The following ANXA8 variants were observed in gnomAD, a reference collection of about 807,000 sequenced individuals.
ANXA8 encodes VAC-beta.
A neutral mutation model predicts 26.8 loss-of-function variants in ANXA8; 9 were observed. The observed-to-expected ratio is 0.34, with a 90% CI of 0.20 to 0.59. The LOEUF (loss-of-function observed/expected upper bound fraction) is 0.59, where lower values mean the gene tolerates loss of function less well. Ranked by LOEUF, ANXA8 falls within the 20% of genes least tolerant of loss-of-function variation. ANXA8 has a pLI of 0.84. For synonymous variants in ANXA8, 39 were observed against 94.8 expected (o/e 0.41, Z 3.42); for missense variants, 83 against 238.5 (o/e 0.35, Z 4.29).
At chr10:47,595,217 T>A in the ANXA8 span, among the ~76,000 whole-genome samples, 5 of 148,440 alleles carry the variant, frequency 3.4e-5, no homozygotes, top group Non-Finnish European at 7.4e-5. Context: ...AAGCAATCGG[T>A]AAGGGAATTT....
chr10:47,554,110 AAAATAAATAAATAAAT>A, the ANXA8 span, among the ~76,000 whole-genome samples: 1 of 129,864 alleles, frequency 7.7e-6, no homozygotes, highest in African/African-American at 3.0e-5. Flanking sequence ...CATCTCTCAA[AAAATAAATAAATAAAT>A]AAATAAATAA....
the ANXA8 span, among the ~76,000 whole-genome samples, chr10:47,516,538 C>A: frequency 7.3e-6 from 1 of 136,282 alleles, no homozygotes; most frequent in Non-Finnish European, 1.5e-5. Context: ...GATAACAGGA[C>A]AGAAGGAAAC....
chr10:47,564,327 T>TC, the ANXA8 span: 1 of 614,160 alleles, frequency 1.6e-6, no homozygotes, highest in African/African-American at 3.4e-5. Flanking sequence ...GGGGCGGGCC[T>TC]GGGGGGGCCT....
At chr10:47,491,718 C>A in the ANXA8 span, 2 of 1,544,308 alleles carry the variant, frequency 1.3e-6, no homozygotes, top group Non-Finnish European at 1.7e-6. Context: ...TGAGGACTGG[C>A]CCAACATGCT....
the ANXA8 span, among the ~76,000 whole-genome samples, chr10:47,958,780 G>C: frequency 6.7e-6 from 1 of 148,788 alleles, no homozygotes; most frequent in African/African-American, 2.6e-5. Flanking sequence ...CAGCAGGAGA[G>C]AGAATGAGTG....
the ANXA8 span, among the ~76,000 whole-genome samples, chr10:47,655,462 T>C: frequency 6.6e-6 from 1 of 151,508 alleles, no homozygotes; most frequent in South Asian, 2.1e-4. Flanking sequence ...ACAGAGAGGG[T>C]AAGGAGGCAA....
chr10:47,658,385 CAA>C, the ANXA8 span, among the ~76,000 whole-genome samples: 5 of 135,810 alleles, frequency 3.7e-5, no homozygotes, highest in Admixed American at 1.5e-4. Flanking sequence ...GACTCTGTCT[CAA>C]AAAAAAAAAA....
chr10:47,552,309 T>C, the ANXA8 span, among the ~76,000 whole-genome samples: 2 of 151,430 alleles, frequency 1.3e-5, no homozygotes, highest in Admixed American at 6.6e-5. Flanking sequence ...TCAGAGAAAC[T>C]GAAAAAATGA....
At chr10:47,607,915 A>C in the ANXA8 span, among the ~76,000 whole-genome samples, 3 of 121,882 alleles carry the variant, frequency 2.5e-5, no homozygotes, top group Non-Finnish European at 4.9e-5. Flanking sequence ...ATTTACAAAA[A>C]CATAAAAAAT....
At chr10:47,951,296 TA>T in the ANXA8 span, among the ~76,000 whole-genome samples, 6 of 150,914 alleles carry the variant, frequency 4.0e-5, no homozygotes, top group African/African-American at 1.5e-4. Flanking sequence ...ACTTTGTAAT[TA>T]AAAACCTTCA....
At chr10:47,709,253 C>T in the ANXA8 span, among the ~76,000 whole-genome samples, 6 of 145,386 alleles carry the variant, frequency 4.1e-5, no homozygotes, top group Non-Finnish European at 5.9e-5. Context: ...TCTTGTTTCA[C>T]CTGTTACATC....
At chr10:47,668,104 A>G in the ANXA8 span, among the ~76,000 whole-genome samples, 14,777 of 147,236 alleles carry the variant, frequency 0.1, 513 homozygotes, top group South Asian at 0.2. Context: ...GAATTATTTC[A>G]CTGGTTTTTT....
At chr10:47,977,237 AG>A in the ANXA8 span, among the ~76,000 whole-genome samples, 2 of 122,130 alleles carry the variant, frequency 1.6e-5, no homozygotes, top group African/African-American at 5.7e-5. Context: ...CATGACAAAA[AG>A]TATACATTAA....
chr10:47,557,426 T>C, the ANXA8 span, among the ~76,000 whole-genome samples: 3 of 151,238 alleles, frequency 2.0e-5, no homozygotes, highest in Admixed American at 2.0e-4. Flanking sequence ...TGGTCATTAA[T>C]AGTTCCTCCC....
the ANXA8 span, among the ~76,000 whole-genome samples, chr10:47,686,176 C>G: frequency 6.6e-6 from 1 of 151,012 alleles, no homozygotes; most frequent in Non-Finnish European, 1.5e-5. Context: ...AGGCTTCTCT[C>G]TTCTAGAGAT....
chr10:47,650,106 G>A, the ANXA8 span, among the ~76,000 whole-genome samples: 1 of 148,702 alleles, frequency 6.7e-6, no homozygotes, highest in Non-Finnish European at 1.5e-5. Context: ...TACTTGAGAG[G>A]CTGAGGCACG....
the ANXA8 span, among the ~76,000 whole-genome samples, chr10:47,672,861 A>G: frequency 3.3e-5 from 5 of 151,654 alleles, no homozygotes; most frequent in Non-Finnish European, 7.4e-5. Context: ...GTAACTGAAA[A>G]CCTATAAAAG....
chr10:47,693,586 G>A, the ANXA8 span, among the ~76,000 whole-genome samples: 2 of 151,914 alleles, frequency 1.3e-5, no homozygotes, highest in African/African-American at 4.8e-5. Context: ...CACCGCGCCC[G>A]GCCGAGTACA....
chr10:47,492,929 T>A, the ANXA8 span, among the ~76,000 whole-genome samples: 1 of 150,866 alleles, frequency 6.6e-6, no homozygotes, highest in Non-Finnish European at 1.5e-5. Flanking sequence ...CCTGGATGTG[T>A]CGGGGCCTGA....
Sources: allele counts gnomAD v4.1 joint callset (sites outside exome capture counted in the v4.1 genomes callset), GRCh38; gene constraint gnomAD v4.1.1; transcripts MANE v1.5; gene names NCBI Gene and HGNC (gene_info 2026-07-23, HGNC 2026-07-21).